The following ELK3 variants were observed in gnomAD, a reference collection of about 807,000 sequenced individuals.
ELK3 encodes the protein ETS transcription factor ELK3.
Under a neutral mutation model 28.9 loss-of-function variants are expected in ELK3, and 10 were observed. The observed-to-expected ratio is 0.35, with a 90% CI of 0.21 to 0.59. The LOEUF (loss-of-function observed/expected upper bound fraction) is 0.59. Among genes scored for constraint, ELK3 ranks in the 20% least tolerant of loss-of-function variants. The probability of loss-of-function intolerance (pLI) is 0.82; values close to 1 mark genes in which losing one functional copy is unlikely to be tolerated. For missense variants in ELK3, 463 were observed against 517.3 expected (o/e 0.90, Z 1.02); for synonymous variants, 272 against 243.5 (o/e 1.12, Z -1.09).
intron 2 of ELK3, among the ~76,000 whole-genome samples, chr12:96,225,799 G>A (rs942804515): frequency 1.3e-5 from 2 of 152,160 alleles, no homozygotes; most frequent in African/African-American, 4.8e-5. Flanking sequence ...AGGCAGTCAG[G>A]CTGTCCAAAG....
At chr12:96,218,938 G>A (rs1186447346) in intron 1 of ELK3, among the ~76,000 whole-genome samples, 1 of 152,072 alleles carries the variant, frequency 6.6e-6, no homozygotes, top group Admixed American at 6.6e-5. Context: ...GTGAGCCACC[G>A]CGCCCGGCCA....
chr12:96,223,894 T>C (rs1951680852), intron 2 of ELK3, 121 bp downstream of exon 2: 2 of 987,018 alleles, frequency 2.0e-6, no homozygotes, highest in Admixed American at 4.7e-5. Context: ...ATAGGGGCAG[T>C]GCATACCTTC....
At chr12:96,258,423 A>T (rs1951968578) in intron 3 of ELK3, among the ~76,000 whole-genome samples, 1 of 152,246 alleles carries the variant, frequency 6.6e-6, no homozygotes, top group Non-Finnish European at 1.5e-5. Context: ...CATTCTGCTG[A>T]ACAGAGCAGA....
intron 2 of ELK3, among the ~76,000 whole-genome samples, chr12:96,227,613 A>G (rs4762141): frequency 0.063 from 835 of 13,204 alleles, 1 homozygote; most frequent in South Asian, 0.13. Context: ...ATGCGGTCAG[A>G]AAGGCCCCGG....
chr12:96,203,320 G>A (rs527703937), intron 1 of ELK3, among the ~76,000 whole-genome samples: 111 of 152,316 alleles, frequency 7.3e-4, no homozygotes, highest in Middle Eastern at 3.4e-3. Context: ...GTTACTGTCC[G>A]TAACTGCGGT....
intron 1 of ELK3, among the ~76,000 whole-genome samples, chr12:96,195,651 C>T (rs1951459032): frequency 6.6e-6 from 1 of 151,950 alleles, no homozygotes; most frequent in African/African-American, 2.4e-5. Context: ...GCAAAAGGGG[C>T]TTTTTAGAAA....
At chr12:96,217,368 A>G (rs535668990) in intron 1 of ELK3, among the ~76,000 whole-genome samples, 27 of 152,240 alleles carry the variant, frequency 1.8e-4, no homozygotes, top group Non-Finnish European at 3.4e-4. Context: ...GACTATAGGT[A>G]ACTGATCATG....
intron 2 of ELK3, among the ~76,000 whole-genome samples, chr12:96,245,385 G>A (rs1592685588): frequency 6.6e-6 from 1 of 152,272 alleles, no homozygotes; most frequent in African/African-American, 2.4e-5. Context: ...GTCGATCTTG[G>A]TGGTTCTTGG....
intron 2 of ELK3, among the ~76,000 whole-genome samples, chr12:96,236,150 A>T (rs919020434): frequency 6.6e-6 from 1 of 152,178 alleles, no homozygotes; most frequent in Non-Finnish European, 1.5e-5. Flanking sequence ...CTATGTTATT[A>T]ACACTTAAAA....
intron 2 of ELK3, among the ~76,000 whole-genome samples, chr12:96,226,556 G>C (rs1951702283): frequency 6.7e-6 from 1 of 148,684 alleles, no homozygotes; most frequent in Non-Finnish European, 1.5e-5. Context: ...GTCCACATGT[G>C]CACACCCATG....
intron 3 of ELK3, among the ~76,000 whole-genome samples, chr12:96,257,859 T>C (rs534741224): frequency 2.6e-5 from 4 of 152,370 alleles, no homozygotes; most frequent in African/African-American, 7.2e-5. Context: ...CTCCCTCACA[T>C]AGATGAAGTA....
intron 1 of ELK3, among the ~76,000 whole-genome samples, chr12:96,221,104 C>T (rs112046957): frequency 2.0e-5 from 3 of 152,120 alleles, no homozygotes; most frequent in Non-Finnish European, 4.4e-5. Context: ...TGGCAAAGCC[C>T]CAATGTCAGC....
chr12:96,220,201 C>G (rs1014485614), intron 1 of ELK3, among the ~76,000 whole-genome samples: 6 of 152,144 alleles, frequency 3.9e-5, no homozygotes, highest in African/African-American at 1.4e-4. Flanking sequence ...CACTGCTCCT[C>G]TGCCTGTTCC....
chr12:96,265,616 T>C (rs185140461), intron 4 of ELK3, among the ~76,000 whole-genome samples: 54 of 152,158 alleles, frequency 3.5e-4, no homozygotes, highest in African/African-American at 1.2e-3. Context: ...GAGGTGGAGG[T>C]TGCAGTGAGC....
chr12:96,262,597 A>G (rs1332289224), intron 4 of ELK3, among the ~76,000 whole-genome samples: 4 of 152,220 alleles, frequency 2.6e-5, no homozygotes, highest in South Asian at 2.1e-4. Flanking sequence ...TGGATCCAGG[A>G]GACTAAGGAA....
intron 1 of ELK3, among the ~76,000 whole-genome samples, chr12:96,203,444 CT>C (rs1951519104): frequency 2.0e-5 from 3 of 152,184 alleles, no homozygotes; most frequent in African/African-American, 7.2e-5. Flanking sequence ...TTTTCTCATC[CT>C]TTGTATTATC....
At position 96,236,848 on chromosome 12, in the gene ELK3, A is replaced by T. The variant is rs10777776; in HGVS notation, c.208-10092A>T. Among the ~76,000 whole-genome samples the T allele has an allele frequency of 3.9e-5, 6 of 152,100 alleles. No homozygotes were observed. In the South Asian group the frequency reaches 1.0e-3, roughly 26 times the overall value. On this transcript the variant is annotated intron_variant, in intron 2 of 4. Transcript: ENST00000228741. ...ATGTATTCTCTGAAGGTTTTGGAAG[A>T]CAGAAGTGTGTAATCCAGGTATCTG... is the stretch of plus-strand genomic sequence containing the variant.
intron 4 of ELK3, among the ~76,000 whole-genome samples, chr12:96,263,846 TTATCTG>T (rs539484943): frequency 2.6e-5 from 4 of 152,326 alleles, no homozygotes; most frequent in African/African-American, 9.6e-5. Context: ...ATTTCTCTCT[TTATCTG>T]TTAAATGTTT....
At chr12:96,211,378 T>G (rs926209010) in intron 1 of ELK3, among the ~76,000 whole-genome samples, 2 of 152,184 alleles carry the variant, frequency 1.3e-5, no homozygotes, top group Non-Finnish European at 2.9e-5. Flanking sequence ...GGTGAAATTA[T>G]GTGTATTTTG....
Sources: allele counts gnomAD v4.1 joint callset (sites outside exome capture counted in the v4.1 genomes callset), GRCh38; gene constraint gnomAD v4.1.1; transcripts MANE v1.5; gene names NCBI Gene and HGNC (gene_info 2026-07-23, HGNC 2026-07-21).